Variants in SORCS1 observed in about 807,000 individuals in gnomAD.
The protein encoded by SORCS1 is sortilin related VPS10 domain containing receptor 1, also known as VPS10 domain-containing receptor SorCS1.
In SORCS1, 60 loss-of-function variants were observed where a neutral mutation model predicts 146.1. The observed-to-expected ratio is 0.41, with a 90% CI of 0.33 to 0.51. The LOEUF (loss-of-function observed/expected upper bound fraction) is 0.51. Among genes scored for constraint, SORCS1 ranks in the 20% least tolerant of loss-of-function variants. SORCS1 has a pLI of 0.21. For synonymous variants in SORCS1, 637 were observed against 584.0 expected, an observed-to-expected ratio of 1.09 and a Z score of -1.31; for missense variants, 1,352 against 1,487.6, an observed-to-expected ratio of 0.91 and a Z score of 1.50.
intron 6 of SORCS1, among the ~76,000 whole-genome samples, chr10:106,723,457 G>A (rs1023913000): frequency 1.3e-5 from 2 of 151,920 alleles, no homozygotes; most frequent in Non-Finnish European, 2.9e-5. Context: ...TCATGGATGA[G>A]GACCTGTCAA....
chr10:106,849,832 A>T (rs61867334), intron 2 of SORCS1, among the ~76,000 whole-genome samples: 1 of 150,986 alleles, frequency 6.6e-6, no homozygotes, highest in Non-Finnish European at 1.5e-5. Flanking sequence ...CAGGTCTGTT[A>T]GAATACCCTG....
At chr10:106,793,472 C>G (rs185512816) in intron 3 of SORCS1, among the ~76,000 whole-genome samples, 1 of 152,240 alleles carries the variant, frequency 6.6e-6, no homozygotes, top group Admixed American at 6.5e-5. Context: ...GGCATACATA[C>G]AGAATCAAGA....
At chr10:106,738,744 T>C (rs191511330) in intron 5 of SORCS1, among the ~76,000 whole-genome samples, 166 of 152,266 alleles carry the variant, frequency 1.1e-3, no homozygotes, top group African/African-American at 3.7e-3. Flanking sequence ...GTAATCCCAG[T>C]ATTTTGGGAG....
In SORCS1 at chr10:106,971,118, C is replaced by T. The variant is rs557887202; in HGVS notation, c.559-14538G>A. Among the ~76,000 whole-genome samples, 12 of 152,076 alleles carry T rather than the reference C, an allele frequency of 7.9e-5. No individual in the cohort carries two copies. In the South Asian group the frequency reaches 1.0e-3, roughly 13 times the overall value. ...GTCACCCTTTACACTGTTGCCACCA[C>T]GATATTTTAAAAAATAGCAGTCTAA... On this transcript the variant is annotated intron_variant, in intron 1 of 25. Coordinates refer to ENST00000263054, the MANE Select transcript of SORCS1 (RefSeq NM_052918.5).
intron 1 of SORCS1, among the ~76,000 whole-genome samples, chr10:107,048,855 C>T (rs2077001287): frequency 6.6e-6 from 1 of 152,096 alleles, no homozygotes; most frequent in African/African-American, 2.4e-5. Flanking sequence ...ACACTAAGGC[C>T]ATGTTTAATG....
chr10:106,586,854 G>A (rs1378220412), intron 24 of SORCS1, among the ~76,000 whole-genome samples: 1 of 152,138 alleles, frequency 6.6e-6, no homozygotes, highest in Non-Finnish European at 1.5e-5. Flanking sequence ...TACTCGAGAG[G>A]CTGAGGCAGA....
intron 1 of SORCS1, among the ~76,000 whole-genome samples, chr10:107,153,801 A>G (rs897627898): frequency 6.6e-6 from 1 of 152,160 alleles, no homozygotes; most frequent in African/African-American, 2.4e-5. Context: ...AAATAACTCA[A>G]GCAATACACA....
At chr10:106,840,841 T>TTATATA (rs1292497131) in intron 2 of SORCS1, among the ~76,000 whole-genome samples, 65 of 113,854 alleles carry the variant, frequency 5.7e-4, no homozygotes, top group African/African-American at 2.1e-3. Flanking sequence ...TTTAGTTATA[T>TTATATA]TATATATATA....
At chr10:107,017,574 G>A (rs1236529656) in intron 1 of SORCS1, among the ~76,000 whole-genome samples, 1 of 152,170 alleles carries the variant, frequency 6.6e-6, no homozygotes, top group African/African-American at 2.4e-5. Flanking sequence ...AACAACAAAA[G>A]CAGGAACTCA....
intron 1 of SORCS1, among the ~76,000 whole-genome samples, chr10:106,958,366 C>A (rs929689351): frequency 6.6e-6 from 1 of 152,170 alleles, no homozygotes; most frequent in Non-Finnish European, 1.5e-5. Context: ...CAGTTCTAGC[C>A]ACAGTAAGCA....
chr10:106,991,204 C>T (rs2139482570), intron 1 of SORCS1, among the ~76,000 whole-genome samples: 1 of 152,274 alleles, frequency 6.6e-6, no homozygotes, highest in East Asian at 1.9e-4. Context: ...GAGAGCTTTC[C>T]ATCCACACCA....
intron 2 of SORCS1, among the ~76,000 whole-genome samples, chr10:106,952,038 T>A (rs916522912): frequency 2.0e-5 from 3 of 152,168 alleles, no homozygotes; most frequent in African/African-American, 7.2e-5. Flanking sequence ...CTCATTGCAT[T>A]CAGACAATGA....
chr10:107,138,119 C>A (rs1340235320), intron 1 of SORCS1, among the ~76,000 whole-genome samples: 2 of 152,110 alleles, frequency 1.3e-5, no homozygotes, highest in Admixed American at 1.3e-4. Flanking sequence ...GGTATGGTGA[C>A]TAGCACATAA....
Position 107,109,756 on chromosome 10 carries a change from C to T in SORCS1, c.558+54213G>A, listed in dbSNP as rs865776763. ...GAGAAAGCTTATCCTTTCTGTGTCACGTGGCTAGGCTGCAGATTTTCTAAA... is the reference window on the plus strand; with the variant it reads ...GAGAAAGCTTATCCTTTCTGTGTCATGTGGCTAGGCTGCAGATTTTCTAAA... On this transcript the variant is annotated intron_variant, in intron 1 of 25. Transcript: ENST00000263054. 3.9e-5 allele frequency among the ~76,000 whole-genome samples: 6 copies of T among 152,196 alleles called. No individual in the cohort carries two copies. The South Asian group carries it at 1.0e-3, about 26-fold the overall frequency.
At chr10:106,956,867 A>G (rs540077653) in intron 1 of SORCS1, among the ~76,000 whole-genome samples, 3 of 152,158 alleles carry the variant, frequency 2.0e-5, no homozygotes, top group African/African-American at 7.2e-5. Flanking sequence ...CTTTTAGGGA[A>G]GGCTGGCAGA....
At chr10:107,026,236 G>A (rs1325584424) in intron 1 of SORCS1, among the ~76,000 whole-genome samples, 3 of 152,206 alleles carry the variant, frequency 2.0e-5, no homozygotes, top group African/African-American at 7.2e-5. Flanking sequence ...CTTTAGGTGA[G>A]CAGAATAAAG....
chr10:107,155,184 G>A (rs557646883), intron 1 of SORCS1, among the ~76,000 whole-genome samples: 1 of 152,174 alleles, frequency 6.6e-6, no homozygotes, highest in Non-Finnish European at 1.5e-5. Context: ...GGTCTTCACT[G>A]TAGGGGGTCA....
chr10:106,620,679 T>G, intron 19 of SORCS1, 118 bp from the exon 20 acceptor site: 1 of 1,276,452 alleles, frequency 7.8e-7, no homozygotes, highest in Non-Finnish European at 1.1e-6. Context: ...GCTGCCATAT[T>G]CCCCAAAAGA....
chr10:107,047,158 T>A (rs993338486), intron 1 of SORCS1, among the ~76,000 whole-genome samples: 1 of 152,012 alleles, frequency 6.6e-6, no homozygotes, highest in Non-Finnish European at 1.5e-5. Flanking sequence ...CTGGCTACTT[T>A]TCGTATTTTT....
Sources: allele counts gnomAD v4.1 joint callset (sites outside exome capture counted in the v4.1 genomes callset), GRCh38; gene constraint gnomAD v4.1.1; transcripts MANE v1.5; gene names NCBI Gene and HGNC (gene_info 2026-07-23, HGNC 2026-07-21).